The following CPNE6 variants were observed in gnomAD, a reference collection of about 807,000 sequenced individuals.
CPNE6 encodes the protein copine 6.
In CPNE6, 33 loss-of-function variants were observed where a neutral mutation model predicts 71.5. The ratio of observed to expected loss-of-function variants is 0.46; its 90% CI spans 0.35 to 0.62. The LOEUF is 0.62. Among genes scored for constraint, CPNE6 ranks in the 20% least tolerant of loss-of-function variants. CPNE6 has a pLI of 0.00. For missense variants in CPNE6, 576 were observed against 747.3 expected (o/e 0.77, Z 2.67); for synonymous variants, 296 against 293.0 (o/e 1.01, Z -0.10).
At chr14:24,071,607 G>C in exon 2 of CPNE6, 1 of 1,264,682 alleles carries the variant, frequency 7.9e-7, no homozygotes, top group Non-Finnish European at 1.1e-6. Context: ...CAGGGCCAGA[G>C]AGCCGGAGAG....
Position 24,074,846 on chromosome 14 carries a change from A to C in CPNE6, c.672+51A>C. ...GCCTACTTAGAGCAACCAATCTGCT[A>C]TCTAAGACCTTTCCCCTGCATGTGG... is the stretch of plus-strand genomic sequence containing the variant. On this transcript the variant is annotated intron_variant, in intron 8 of 17. Coordinates refer to ENST00000397016, the Ensembl canonical transcript of CPNE6. The surrounding 1 kb of genome is among the most constrained non-coding windows in gnomAD (Gnocchi z 4.5). 1 of 1,476,766 alleles carries C rather than the reference A, an allele frequency of 6.8e-7. No individual in the cohort carries two copies. Among genetic ancestry groups the C allele is most frequent in the Non-Finnish European group, 9.3e-7 (1 of 1,069,606 alleles). The allele number at this position is 1,476,766 out of a possible 1,614,324, so 91.5% of individuals were successfully genotyped here. A position where few individuals can be genotyped will look rare whatever the true frequency, so the allele number is the denominator to read the frequency against.
chr14:24,071,826 C>A (rs983273038), intron 2 of CPNE6, 185 bp downstream of exon 1: 3 of 553,488 alleles, frequency 5.4e-6, no homozygotes, highest in Non-Finnish European at 9.6e-6. Flanking sequence ...GGCAGAGACC[C>A]CCCTCCCCCA....
exon 1 of CPNE6, chr14:24,070,962 T>A: frequency 6.5e-7 from 1 of 1,534,588 alleles, no homozygotes. Flanking sequence ...CTCAAAGCTA[T>A]GACGTTCAGC....
rs1221881868 is a variant in CPNE6, at chr14:24,074,482, T to C, written c.499-49T>C. On this transcript the variant is annotated intron_variant, in intron 6 of 17. Transcript: ENST00000397016. The surrounding 1 kb of genome is among the most constrained non-coding windows in gnomAD (Gnocchi z 4.5). Reference sequence around the variant, plus strand: ...CCCAGTGGGAGCCCATCCCCCACCCTCCTTGCAGCTCTCACCAACCTCAAG... The same window carrying C: ...CCCAGTGGGAGCCCATCCCCCACCCCCCTTGCAGCTCTCACCAACCTCAAG... 2 of 1,592,496 alleles carry C rather than the reference T, an allele frequency of 1.3e-6. No individual in the cohort carries two copies. Among genetic ancestry groups the C allele is most frequent in the African/African-American group, 2.7e-5 (2 of 74,396 alleles).
In CPNE6 at chr14:24,075,965, A is replaced by C; in HGVS notation, c.924+79A>C. ...TGAAAGGAAGGAGCCCAGAATCTCCACTGCCCCAACTTGGGCTGCTCATGA... is the reference window on the plus strand; with the variant it reads ...TGAAAGGAAGGAGCCCAGAATCTCCCCTGCCCCAACTTGGGCTGCTCATGA... On this transcript the variant is annotated intron_variant, in intron 11 of 17. Transcript: ENST00000397016. The surrounding 1 kb of genome is among the most constrained non-coding windows in gnomAD (Gnocchi z 4.3). 6.4e-7 allele frequency: 1 copy of C among 1,561,522 alleles called. No homozygotes were observed. Among genetic ancestry groups the C allele is most frequent in the Non-Finnish European group, 8.8e-7 (1 of 1,134,514 alleles).
Position 24,077,259 on chromosome 14 carries a change from G to C in CPNE6, c.1405G>C (p.Val469Leu), listed in dbSNP as rs137919166. ...CCGCCTGCCCATGTCCATCATCATCGTAGGCGTGGGCAATGCTGACTTCTC... is the reference window on the plus strand; with the variant it reads ...CCGCCTGCCCATGTCCATCATCATCCTAGGCGTGGGCAATGCTGACTTCTC... The change falls in exon 16 of 18, where the codon GTA becomes CTA. Residue 469 changes from valine (V) to leucine (L), a missense_variant. Transcript: ENST00000397016. This position sits in a 1 kb window ranked among gnomAD's most constrained non-coding sequence, Gnocchi z 6.1. The C allele has an allele frequency of 2.5e-6, 4 of 1,613,520 alleles. No individual in the cohort carries two copies. Among genetic ancestry groups the C allele is most frequent in the Non-Finnish European group, 2.5e-6 (3 of 1,180,032 alleles).
rs1343323262 is a variant in CPNE6 at position 24,074,433 on chromosome 14, C to T, written c.498+68C>T. ...CTAGGCCTCCCACTCAAGACAGATC[C>T]CAGGAGCCCAGGCCTGCTCTCTTCC... On this transcript the variant is annotated intron_variant, in intron 6 of 17. Transcript: ENST00000397016. The surrounding 1 kb of genome is among the most constrained non-coding windows in gnomAD (Gnocchi z 4.5). 6 of 1,565,988 alleles carry T rather than the reference C, an allele frequency of 3.8e-6. No individual in the cohort carries two copies. Among genetic ancestry groups the T allele is most frequent in the Non-Finnish European group, 5.2e-6 (6 of 1,148,170 alleles).
chr14:24,075,336 G>T lies in CPNE6; in HGVS notation c.777+60G>T, dbSNP rs766929108. The stretch of plus-strand genomic sequence containing the variant: ...AGATCCCTGGGAGAATCCTGAGGGT[G>T]ATGCTGAAGAGACCACCATAGGTGA... On this transcript the variant is annotated intron_variant, in intron 9 of 17. Transcript: ENST00000397016. The surrounding 1 kb of genome is among the most constrained non-coding windows in gnomAD (Gnocchi z 4.3). The T allele has an allele frequency of 2.0e-4, 306 of 1,498,650 alleles. No homozygotes were observed. Among genetic ancestry groups the T allele is most frequent in the Non-Finnish European group, 2.7e-4 (285 of 1,075,128 alleles). 92.8% of individuals were successfully genotyped at this position (1,498,650 alleles called of 1,614,324 possible). A position where few individuals can be genotyped will look rare whatever the true frequency, so the allele number is the denominator to read the frequency against.
chr14:24,072,847 T>TG (rs1366756808), intron 2 of CPNE6, 86 bp from the exon 2 acceptor site: 1 of 1,249,542 alleles, frequency 8.0e-7, no homozygotes, highest in Non-Finnish European at 1.0e-6. Context: ...GGTTAAGGGG[T>TG]GGGGCCCAGG....
chr14:24,074,009 T>C lies in CPNE6; in HGVS notation c.349-42T>C, dbSNP rs781060753. 3.9e-6 allele frequency: 6 copies of C among 1,546,814 alleles called. No individual in the cohort carries two copies. Among genetic ancestry groups the C allele is most frequent in the South Asian group, 3.3e-5 (3 of 89,724 alleles). ...ATCCCTTGTACGTGGCCAAGGCAGA[T>C]GGGGATGTCACAGCTGGGTCTCCCT... is the stretch of plus-strand genomic sequence containing the variant. On this transcript the variant is annotated intron_variant, in intron 4 of 17. Transcript: ENST00000397016. This position sits in a 1 kb window ranked among gnomAD's most constrained non-coding sequence, Gnocchi z 4.5.
In CPNE6 at chr14:24,074,511, C is replaced by T; in HGVS notation, c.499-20C>T. The T allele has an allele frequency of 6.2e-7, 1 of 1,612,264 alleles. No individual in the cohort carries two copies. Among genetic ancestry groups the T allele is most frequent in the Non-Finnish European group, 8.5e-7 (1 of 1,178,362 alleles). The stretch of plus-strand genomic sequence containing the variant: ...TGCAGCTCTCACCAACCTCAAGGGC[C>T]CTTTCTCCTGTATCTTCAGGATCTG... On this transcript the variant is annotated intron_variant, in intron 6 of 17. Coordinates refer to ENST00000397016, the Ensembl canonical transcript of CPNE6. The surrounding 1 kb of genome is among the most constrained non-coding windows in gnomAD (Gnocchi z 4.5).
At chr14:24,071,222 G>C (rs1268385413) in intron 1 of CPNE6, 3 of 1,017,278 alleles carry the variant, frequency 2.9e-6, no homozygotes, top group African/African-American at 1.6e-5. Context: ...TGTGTGTCAA[G>C]ATATGTGTGA....
At chr14:24,071,414 C>G (rs978292895) in intron 1 of CPNE6, 148 bp from the exon 1 acceptor site, 4 of 1,459,966 alleles carry the variant, frequency 2.7e-6, no homozygotes, top group African/African-American at 2.8e-5. Flanking sequence ...CCTCCTCCCC[C>G]GGTTCTGTGG....
chr14:24,074,678 C>A lies in CPNE6; in HGVS notation c.583-28C>A. On this transcript the variant is annotated intron_variant, in intron 7 of 17. Transcript: ENST00000397016. This position sits in a 1 kb window ranked among gnomAD's most constrained non-coding sequence, Gnocchi z 4.5. ...TAAAGTAAGAAGACACAGACAGGAG[C>A]TGACCAGCCACCTGGTGCCTCTCCA... The A allele has an allele frequency of 6.2e-7, 1 of 1,613,652 alleles. No individual in the cohort carries two copies.
intron 11 of CPNE6, 90 bp from the exon 11 acceptor site, chr14:24,076,059 T>C (rs2036051089): frequency 6.4e-7 from 1 of 1,562,310 alleles, no homozygotes. Flanking sequence ...CCACCACTCA[T>C]CTTAGTCCTC....
rs79523716 is a variant in CPNE6, at chr14:24,077,105, C to T, written c.1300-49C>T. The T allele has an allele frequency of 5.2e-4, 828 of 1,593,700 alleles. 3 individuals are homozygous for T. In the African/African-American group the frequency reaches 7.0e-3, roughly 13 times the overall value. ...TGCACCTTGGTGGAAACGGTGTCAA[C>T]GCCCTTGCACACAAAGCCAACCCTT... On this transcript the variant is annotated intron_variant, in intron 15 of 17. Coordinates refer to ENST00000397016, the Ensembl canonical transcript of CPNE6. The surrounding 1 kb of genome is among the most constrained non-coding windows in gnomAD (Gnocchi z 6.1).
chr14:24,071,411 C>T, intron 1 of CPNE6, 151 bp from the exon 1 acceptor site: 6 of 1,459,844 alleles, frequency 4.1e-6, no homozygotes, highest in Non-Finnish European at 3.6e-6. Flanking sequence ...TGCCCTCCTC[C>T]CCCGGTTCTG....
rs1483417495 is a variant in CPNE6 at position 24,076,430 on chromosome 14, G to A, written c.1113+16G>A. 1.2e-6 allele frequency: 2 copies of A among 1,614,236 alleles called. No homozygotes were observed. Among genetic ancestry groups the A allele is most frequent in the South Asian group, 1.1e-5 (1 of 91,086 alleles). On this transcript the variant is annotated intron_variant, in intron 13 of 17. Coordinates refer to ENST00000397016, the Ensembl canonical transcript of CPNE6. ...CAACTTCGAGGTAGGCTAGATGCGA[G>A]GGAAAGAAGGAGATGGGGGGCGTGT...
chr14:24,075,729 A>G lies in CPNE6; in HGVS notation c.865-98A>G. ...AACCACCCCCAACTGCAACCCAAAAAACTCTGGCTCCCCCATGTTCCCCAC... is the reference window on the plus strand; with the variant it reads ...AACCACCCCCAACTGCAACCCAAAAGACTCTGGCTCCCCCATGTTCCCCAC... On this transcript the variant is annotated intron_variant, in intron 10 of 17. Transcript: ENST00000397016. This position sits in a 1 kb window ranked among gnomAD's most constrained non-coding sequence, Gnocchi z 4.3. The G allele has an allele frequency of 7.2e-7, 1 of 1,394,670 alleles. No homozygotes were observed. The highest frequency in any genetic ancestry group is 1.0e-6 in the Non-Finnish European group (1 of 992,588). 86.4% of individuals were successfully genotyped at this position (1,394,670 alleles called of 1,614,324 possible).
Sources: allele counts gnomAD v4.1 joint callset, GRCh38; gene constraint gnomAD v4.1.1; non-coding constraint Gnocchi (gnomAD v3.1); transcripts MANE v1.5; gene names NCBI Gene and HGNC (gene_info 2026-07-23, HGNC 2026-07-21).